Variants in KIAA2012 observed in about 807,000 individuals in gnomAD.
KIAA2012 encodes the protein KIAA2012, also known as uncharacterized protein KIAA2012.
KIAA2012 carries 125 observed loss-of-function variants against 150.6 expected under a neutral mutation model. The observed-to-expected ratio is 0.83, with a 90% CI of 0.72 to 0.96. The LOEUF (loss-of-function observed/expected upper bound fraction) is 0.96. KIAA2012 is among the 40% of genes least tolerant of loss of function. The probability of loss-of-function intolerance (pLI) is 0.00; values close to 1 mark genes in which losing one functional copy is unlikely to be tolerated. For synonymous variants in KIAA2012, 462 were observed against 504.7 expected, an observed-to-expected ratio of 0.92 and a Z score of 1.13; for missense variants, 1,219 against 1,354.9, an observed-to-expected ratio of 0.90 and a Z score of 1.57.
In KIAA2012 at chr2:202,106,046, C is replaced by T. The variant is rs1187568963; in HGVS notation, c.1474+136C>T. 3 of 1,535,888 alleles carry T rather than the reference C, an allele frequency of 2.0e-6. No individual in the cohort carries two copies. In the Admixed American group the frequency reaches 5.9e-5, roughly 30 times the overall value. The stretch of plus-strand genomic sequence containing the variant: ...TTCACCAGCAGCCACTGGAAGATGG[C>T]CTTTGTGCAGGCAGCAGCTGCCTTC... On this transcript the variant is annotated intron_variant, in intron 9 of 23. Coordinates refer to ENST00000498697, the MANE Select transcript of KIAA2012 (RefSeq NM_001277372.4).
chr2:202,122,720 T>C (rs926573447), intron 11 of KIAA2012, among the ~76,000 whole-genome samples: 3 of 152,188 alleles, frequency 2.0e-5, no homozygotes, highest in Non-Finnish European at 4.4e-5. Flanking sequence ...GTCAGGCTGG[T>C]CTCAAACTCC....
At position 202,099,714 on chromosome 2, in the gene KIAA2012, C is replaced by G; in HGVS notation, c.930C>G (p.Ile310Met). ...TSRKAFGHGR[I>M]DHSWLPSDKS... Reference sequence around the variant, plus strand: ...GGAAGGCCTTTGGGCATGGCCGCATCGATCACTCTTGGCTCCCAAGTGACA... The same window carrying G: ...GGAAGGCCTTTGGGCATGGCCGCATGGATCACTCTTGGCTCCCAAGTGACA... The change falls in exon 6 of 24, where the codon ATC becomes ATG. Residue 310 changes from isoleucine to methionine, a missense_variant. Ile to Met is a conservative substitution (Grantham distance 10). Coordinates refer to ENST00000498697, the MANE Select transcript of KIAA2012 (RefSeq NM_001277372.4). 1.3e-6 allele frequency: 2 copies of G among 1,550,616 alleles called. No homozygotes were observed. The highest frequency in any genetic ancestry group is 1.2e-5 in the South Asian group (1 of 84,052).
intron 14 of KIAA2012, among the ~76,000 whole-genome samples, chr2:202,161,776 C>T (rs1574299343): frequency 1.3e-5 from 2 of 152,116 alleles, no homozygotes; most frequent in South Asian, 4.1e-4. Context: ...ATACATCTTT[C>T]ATCTTTGTGC....
chr2:202,181,881 A>G (rs1435068962), intron 15 of KIAA2012, among the ~76,000 whole-genome samples: 1 of 152,122 alleles, frequency 6.6e-6, no homozygotes, highest in Non-Finnish European at 1.5e-5. Flanking sequence ...GGGATAATTG[A>G]CATACAATAA....
chr2:202,138,596 C>A, intron 13 of KIAA2012, 88 bp downstream of exon 13: 1 of 861,770 alleles, frequency 1.2e-6, no homozygotes, highest in Non-Finnish European at 1.8e-6. Context: ...CTCAGTGAGA[C>A]TCTTTACCTC....
intron 21 of KIAA2012, among the ~76,000 whole-genome samples, chr2:202,196,201 T>C (rs1402268830): frequency 7.3e-6 from 1 of 136,260 alleles, no homozygotes; most frequent in South Asian, 2.6e-4. Flanking sequence ...TTTTTTTTTT[T>C]TTTTTTTTTT....
intron 2 of KIAA2012, among the ~76,000 whole-genome samples, chr2:202,084,333 A>C (rs1689514687): frequency 6.6e-6 from 1 of 152,144 alleles, no homozygotes; most frequent in Non-Finnish European, 1.5e-5. Flanking sequence ...TTCAGTGGCC[A>C]GCACTAGAGC....
rs73989723 is a variant in KIAA2012, at chr2:202,077,411, G to C, written c.369+2236G>C. On this transcript the variant is annotated intron_variant, in intron 2 of 23. Transcript: ENST00000498697. ...AATAGTTTATAAAGTAGATAAGTCA[G>C]TTTGGGGTGAGTTTCATTTTTGGTT... Among the ~76,000 whole-genome samples the C allele has an allele frequency of 4.8e-3, 731 of 152,276 alleles. 10 individuals carry two copies. Among genetic ancestry groups the C allele is most frequent in the African/African-American group, 0.016 (682 of 41,552 alleles).
chr2:202,155,872 A>G (rs1297347618), intron 14 of KIAA2012, among the ~76,000 whole-genome samples: 1 of 152,178 alleles, frequency 6.6e-6, no homozygotes, highest in Non-Finnish European at 1.5e-5. Context: ...CCTCTTAGAT[A>G]GGCTCTTCCC....
In KIAA2012 at chr2:202,205,001, T is replaced by A. The variant is rs1186925694; in HGVS notation, c.*24T>A. ...TATTTTCTCCCTTTTGTTACAGATTTAGGATGTTGCAGTCAAGCACCAGAT... is the reference window on the plus strand; with the variant it reads ...TATTTTCTCCCTTTTGTTACAGATTAAGGATGTTGCAGTCAAGCACCAGAT... On this transcript the variant is annotated 3_prime_UTR_variant, in exon 24 of 24. Transcript: ENST00000498697. 1 of 152,238 alleles carries A rather than the reference T, an allele frequency of 6.6e-6. No individual in the cohort carries two copies. Among genetic ancestry groups the A allele is most frequent in the East Asian group, 1.9e-4 (1 of 5,200 alleles). 9.4% of individuals were successfully genotyped at this position (152,238 alleles called of 1,614,324 possible). A position where few individuals can be genotyped will look rare whatever the true frequency, so the allele number is the denominator to read the frequency against.
In KIAA2012 at chr2:202,115,576, G is replaced by A. The variant is rs548700521; in HGVS notation, c.1762+2130G>A. 2.6e-5 allele frequency: 4 copies of A among 152,046 alleles called. No individual in the cohort carries two copies. The South Asian group carries it at 8.3e-4, about 32-fold the overall frequency. 9.4% of individuals were successfully genotyped at this position (152,046 alleles called of 1,614,324 possible). The stretch of plus-strand genomic sequence containing the variant: ...TCTCAATCCCACTTTTGTGATTATT[G>A]TATGTATCTGCATCTGTTTTCTGTT... On this transcript the variant is annotated intron_variant, in intron 11 of 23. Coordinates refer to ENST00000498697, the MANE Select transcript of KIAA2012 (RefSeq NM_001277372.4).
intron 15 of KIAA2012, among the ~76,000 whole-genome samples, chr2:202,183,779 T>C (rs1484044010): frequency 6.6e-6 from 1 of 152,316 alleles, no homozygotes; most frequent in East Asian, 1.9e-4. Flanking sequence ...GTGTTGAGAT[T>C]ACAGGCGTGA....
chr2:202,081,505 T>C (rs569061790), intron 2 of KIAA2012, among the ~76,000 whole-genome samples: 1 of 151,380 alleles, frequency 6.6e-6, no homozygotes, highest in African/African-American at 2.4e-5. Context: ...CTCCATATCC[T>C]CATCAACACT....
chr2:202,117,546 GA>G (rs889901414), intron 11 of KIAA2012, among the ~76,000 whole-genome samples: 9 of 152,278 alleles, frequency 5.9e-5, no homozygotes, highest in African/African-American at 2.2e-4. Context: ...TGAGGAAGAA[GA>G]AAAAACTCTG....
chr2:202,170,646 G>A (rs1005337393), intron 15 of KIAA2012, among the ~76,000 whole-genome samples: 2 of 152,228 alleles, frequency 1.3e-5, no homozygotes, highest in South Asian at 4.1e-4. Flanking sequence ...TGCTCTAAGA[G>A]AATACAGGAA....
chr2:202,085,444 C>A (rs1407866956), intron 2 of KIAA2012, among the ~76,000 whole-genome samples: 2 of 151,972 alleles, frequency 1.3e-5, no homozygotes, highest in Non-Finnish European at 2.9e-5. Context: ...GAGAGGGCAG[C>A]CTGAGAAGGA....
chr2:202,144,571 G>A (rs1035049845), intron 13 of KIAA2012, among the ~76,000 whole-genome samples: 3 of 152,092 alleles, frequency 2.0e-5, no homozygotes, highest in Non-Finnish European at 2.9e-5. Flanking sequence ...TTGTACAAGG[G>A]TACAATCGTA....
rs34039489 is a variant in KIAA2012 at position 202,146,631 on chromosome 2, C to CA, written c.1909-8021dup. Among the ~76,000 whole-genome samples, 434 of 76,390 alleles carry CA rather than the reference C, an allele frequency of 5.7e-3. 4 individuals are homozygous for CA. The highest frequency in any genetic ancestry group is 0.014 in the African/African-American group (252 of 18,366). The allele number at this position is 76,390 out of a possible 152,430, so 50.1% of individuals were successfully genotyped here. The stretch of plus-strand genomic sequence containing the variant: ...TGGGTGACAGAGCAAGACTCCATCT[C>CA]AAAAAAAAAAAAAAAAAAAAAGCCA... On this transcript the variant is annotated intron_variant, in intron 13 of 23. Transcript: ENST00000498697.
intron 12 of KIAA2012, among the ~76,000 whole-genome samples, chr2:202,133,109 A>AAAAAAATATATATATATATAT (rs766606713): frequency 1.1e-5 from 1 of 87,880 alleles, no homozygotes; most frequent in African/African-American, 4.7e-5. Flanking sequence ...TCTAAAAAAA[A>AAAAAAATATATATATATATAT]ATATATATAT....
Sources: gnomAD v4.1 joint callset for allele counts (sites outside exome capture counted in the v4.1 genomes callset) on GRCh38, gnomAD v4.1.1 for gene constraint, MANE v1.5 for transcripts, NCBI Gene and HGNC (gene_info 2026-07-23, HGNC 2026-07-21) for gene names.